Variants in OTOGL observed in about 807,000 individuals in gnomAD.
OTOGL encodes otogelin-like protein.
Under a neutral mutation model 318.5 loss-of-function variants are expected in OTOGL, and 285 were observed. That is an observed-to-expected ratio of 0.89 (90% CI 0.81 to 0.99). OTOGL has a LOEUF of 0.99. Among genes scored for constraint, OTOGL ranks in the 50% least tolerant of loss-of-function variants. The pLI is 0.00. For missense variants in OTOGL, 2,899 were observed against 2,845.6 expected, an observed-to-expected ratio of 1.02 and a Z score of -0.43; for synonymous variants, 987 against 936.5, an observed-to-expected ratio of 1.05 and a Z score of -0.99.
At chr12:80,272,933 G>T (rs1160328277) in intron 24 of OTOGL, among the ~76,000 whole-genome samples, 7 of 152,018 alleles carry the variant, frequency 4.6e-5, no homozygotes, top group Non-Finnish European at 7.4e-5. Context: ...AAAAGGAGAA[G>T]GGAAATAGAA....
intron 37 of OTOGL, among the ~76,000 whole-genome samples, chr12:80,330,829 C>T (rs1018810373): frequency 6.6e-6 from 1 of 152,106 alleles, no homozygotes; most frequent in Non-Finnish European, 1.5e-5. Context: ...TTTCTGTATA[C>T]TAGCCATGAA....
Position 80,270,090 on chromosome 12 carries a change from AT to A in OTOGL, c.2466-9del. On this transcript the variant is annotated splice_polypyrimidine_tract_variant and intron_variant, in intron 22 of 58. Coordinates refer to ENST00000547103, the MANE Select transcript of OTOGL (RefSeq NM_001378609.3). ...ATTTGGTTCCATAAATTAACTATTT[AT>A]TTACTTCTAGCCAGTGTTCAAATGG... 1 of 1,575,016 alleles carries A rather than the reference AT, an allele frequency of 6.3e-7. No homozygotes were observed.
chr12:80,331,673 G>A lies in OTOGL; in HGVS notation c.4349-1332G>A, dbSNP rs1057027869. ...TAAAAGTTTTTAAAATGTCGTTGTG[G>A]TATGCTGAATAATGGTCCTCCAAAG... On this transcript the variant is annotated intron_variant, in intron 37 of 58. Transcript: ENST00000547103. Among the ~76,000 whole-genome samples the A allele has an allele frequency of 4.4e-4, 67 of 152,178 alleles. 1 individual carries two copies. Among genetic ancestry groups the A allele is most frequent in the African/African-American group, 1.6e-3 (67 of 41,526 alleles).
chr12:80,194,831 A>G (rs981284817), intron 1 of OTOGL, among the ~76,000 whole-genome samples: 16 of 152,312 alleles, frequency 1.1e-4, no homozygotes, highest in Non-Finnish European at 2.4e-4. Context: ...GGGGCAAATA[A>G]ATACCAAACT....
Position 80,279,135 on chromosome 12 carries a change from A to C in OTOGL, c.2897A>C (p.Tyr966Ser). 1.3e-6 allele frequency: 2 copies of C among 1,593,014 alleles called. No individual in the cohort carries two copies. The highest frequency in any genetic ancestry group is 1.7e-6 in the Non-Finnish European group (2 of 1,176,048). Residue 966 changes from tyrosine (Y) to serine (S), a missense_variant, in exon 26 of 59, where the codon TAT (tyrosine) becomes TCT (serine). Coordinates refer to ENST00000547103, the MANE Select transcript of OTOGL (RefSeq NM_001378609.3). The stretch of plus-strand genomic sequence containing the variant: ...TCTTTTGATGGACTAGAATATGACT[A>C]TATCAGTGATTGCCAGGTGTTTTTG... The part of the protein sequence containing the change: ...YYSFDGLEYD[Y>S]ISDCQVFLIK...
At chr12:80,298,487 A>G (rs181103069) in intron 27 of OTOGL, among the ~76,000 whole-genome samples, 2 of 152,316 alleles carry the variant, frequency 1.3e-5, no homozygotes, top group Admixed American at 6.5e-5. Context: ...AAATGCAAAT[A>G]TAAATTAATG....
In OTOGL at chr12:80,378,106, A is replaced by G; in HGVS notation, c.*58A>G. On this transcript the variant is annotated 3_prime_UTR_variant, in exon 59 of 59. Coordinates refer to ENST00000547103, the MANE Select transcript of OTOGL (RefSeq NM_001378609.3). ...ATAACGTCAGATAGAATTAACTTTTATTGCTATTACTTAGGCATGTGGCAG... is the reference window on the plus strand; with the variant it reads ...ATAACGTCAGATAGAATTAACTTTTGTTGCTATTACTTAGGCATGTGGCAG... 1.5e-6 allele frequency: 2 copies of G among 1,301,398 alleles called. No homozygotes were observed. Among genetic ancestry groups the G allele is most frequent in the South Asian group, 1.4e-5 (1 of 72,624 alleles). 80.6% of individuals were successfully genotyped at this position (1,301,398 alleles called of 1,614,324 possible). A position where few individuals can be genotyped will look rare whatever the true frequency, so the allele number is the denominator to read the frequency against.
chr12:80,208,621 C>G (rs1440588912), intron 1 of OTOGL, among the ~76,000 whole-genome samples: 2 of 150,254 alleles, frequency 1.3e-5, no homozygotes, highest in Non-Finnish European at 1.5e-5. Context: ...GCAGTCAATC[C>G]CTGTTAAAGA....
At chr12:80,162,323 A>T (rs774349690) in intron 1 of OTOGL, among the ~76,000 whole-genome samples, 6 of 152,110 alleles carry the variant, frequency 3.9e-5, no homozygotes, top group Non-Finnish European at 7.4e-5. Context: ...AGAGATGGTG[A>T]CTTTGTTTAT....
At chr12:80,167,303 T>G (rs1873889911) in intron 1 of OTOGL, among the ~76,000 whole-genome samples, 2 of 152,110 alleles carry the variant, frequency 1.3e-5, no homozygotes, top group South Asian at 4.1e-4. Flanking sequence ...AGGGCTGAAT[T>G]GTGAGGCGAC....
chr12:80,120,372 T>C (rs1870416823), intron 1 of OTOGL, among the ~76,000 whole-genome samples: 1 of 152,132 alleles, frequency 6.6e-6, no homozygotes, highest in African/African-American at 2.4e-5. Context: ...ATTCATCACA[T>C]TCACCTTGTG....
chr12:80,366,705 A>G (rs937544784), intron 53 of OTOGL, 68 bp downstream of exon 53: 2 of 598,488 alleles, frequency 3.3e-6, no homozygotes, highest in Non-Finnish European at 2.4e-6. Context: ...TTCACTATTA[A>G]TAAGTTAAAA....
intron 32 of OTOGL, among the ~76,000 whole-genome samples, chr12:80,316,447 C>G (rs1301638438): frequency 6.6e-6 from 1 of 152,206 alleles, no homozygotes; most frequent in African/African-American, 2.4e-5. Flanking sequence ...CTACCTCTTG[C>G]TACTTGCTAC....
intron 1 of OTOGL, among the ~76,000 whole-genome samples, chr12:80,106,534 G>A (rs1869464595): frequency 6.6e-6 from 1 of 152,042 alleles, no homozygotes; most frequent in African/African-American, 2.4e-5. Context: ...TTCCTAAACT[G>A]ATTATTAGAT....
At chr12:80,216,530 C>T (rs1171839768) in intron 4 of OTOGL, among the ~76,000 whole-genome samples, 1 of 152,136 alleles carries the variant, frequency 6.6e-6, no homozygotes, top group African/African-American at 2.4e-5. Flanking sequence ...TTTTAAAAAC[C>T]TTAAAATTTC....
At position 80,262,092 on chromosome 12, in the gene OTOGL, C is replaced by G. The variant is rs1439772395; in HGVS notation, c.2013C>G (p.Asn671Lys). The G allele has an allele frequency of 6.2e-7, 1 of 1,603,406 alleles. No homozygotes were observed. The highest frequency in any genetic ancestry group is 8.5e-7 in the Non-Finnish European group (1 of 1,174,130). ...ACCCCTGTAACATCAATCAACAAAACAGTAAGTTTTGCATGTAAACTTCCT... is the reference window on the plus strand; with the variant it reads ...ACCCCTGTAACATCAATCAACAAAAGAGTAAGTTTTGCATGTAAACTTCCT... ...VVDPCNINQQ[N>K]IGYAAHCDVI... Residue 671 changes from asparagine to lysine, a missense_variant and splice_region_variant, in exon 19 of 59, where the codon AAC becomes AAG. Physicochemically the swap from Asn to Lys is moderately conservative, Grantham distance 94 (BLOSUM62 0). Around this residue, in one of 3 missense-constraint regions of OTOGL, gnomAD observed 2,607 missense variants for 2,524.9 expected, o/e 1.03. Transcript: ENST00000547103.
intron 39 of OTOGL, 63 bp from the exon 40 acceptor site, chr12:80,336,350 A>C (rs1592722623): frequency 6.9e-7 from 1 of 1,458,208 alleles, no homozygotes; most frequent in Non-Finnish European, 9.1e-7. Context: ...TTTTTAAAAG[A>C]GCAATTATTA....
At chr12:80,149,711 A>G (rs531991120) in intron 1 of OTOGL, among the ~76,000 whole-genome samples, 4 of 152,196 alleles carry the variant, frequency 2.6e-5, no homozygotes, top group Non-Finnish European at 5.9e-5. Context: ...TGTGCTAGCA[A>G]TCATCGAGAC....
intron 7 of OTOGL, 93 bp downstream of exon 7, chr12:80,222,338 C>G (rs1242439342): frequency 8.3e-7 from 1 of 1,208,148 alleles, no homozygotes; most frequent in African/African-American, 1.5e-5. Context: ...AAAATATATA[C>G]TAATAATAGA....
Sources: allele counts gnomAD v4.1 joint callset (sites outside exome capture counted in the v4.1 genomes callset), GRCh38; gene constraint gnomAD v4.1.1; regional missense constraint gnomAD v4.1.1; transcripts MANE v1.5; gene names NCBI Gene and HGNC (gene_info 2026-07-23, HGNC 2026-07-21).